The following TULP4 variants were observed in gnomAD, a reference collection of about 807,000 sequenced individuals.
The protein encoded by TULP4 is TUB like protein 4.
A neutral mutation model predicts 129.0 loss-of-function variants in TULP4; 16 were observed. That is an observed-to-expected ratio of 0.12 (90% CI 0.08 to 0.19). The LOEUF is 0.19. TULP4 is among the 10% of genes least tolerant of loss of function. TULP4 has a pLI of 1.00. For synonymous variants in TULP4, 998 were observed against 854.0 expected, an observed-to-expected ratio of 1.17 and a Z score of -2.94; for missense variants, 1,842 against 2,059.1, an observed-to-expected ratio of 0.89 and a Z score of 2.04.
intron 1 of TULP4, among the ~76,000 whole-genome samples, chr6:158,407,483 A>G (rs1020609313): frequency 6.6e-6 from 1 of 152,176 alleles, no homozygotes; most frequent in Admixed American, 6.5e-5. Context: ...TAGAATTATC[A>G]TTTGACCCAG....
At chr6:158,383,447 T>C (rs1329035898) in intron 1 of TULP4, among the ~76,000 whole-genome samples, 2 of 152,282 alleles carry the variant, frequency 1.3e-5, no homozygotes. Context: ...CACCCATTTT[T>C]TAGCTAATAC....
At chr6:158,492,493 T>C (rs944076719) in intron 9 of TULP4, among the ~76,000 whole-genome samples, 1 of 152,228 alleles carries the variant, frequency 6.6e-6, no homozygotes, top group African/African-American at 2.4e-5. Flanking sequence ...TTATGAACTT[T>C]CCTATATTTC....
intron 1 of TULP4, among the ~76,000 whole-genome samples, chr6:158,273,674 C>T (rs1364995903): frequency 6.6e-6 from 1 of 152,186 alleles, no homozygotes; most frequent in African/African-American, 2.4e-5. Flanking sequence ...TAATAGCTGA[C>T]ACTTACTGAG....
chr6:158,462,620 G>T (rs968177458), intron 6 of TULP4, among the ~76,000 whole-genome samples: 2 of 151,574 alleles, frequency 1.3e-5, no homozygotes, highest in Non-Finnish European at 2.9e-5. Flanking sequence ...TGATCTGCCC[G>T]CCTCGGCCTC....
intron 1 of TULP4, among the ~76,000 whole-genome samples, chr6:158,389,360 T>C (rs1307957496): frequency 6.6e-6 from 1 of 152,082 alleles, no homozygotes; most frequent in Non-Finnish European, 1.5e-5. Flanking sequence ...GCTGAAGTGG[T>C]AGGACTGCTT....
At chr6:158,462,283 T>C (rs682760) in intron 6 of TULP4, among the ~76,000 whole-genome samples, 63,174 of 151,634 alleles carry the variant, frequency 0.42, 14,455 homozygotes, top group African/African-American at 0.62. Context: ...CCAATGTCTT[T>C]TCTTTTTTTT....
At chr6:158,315,199 C>G (rs1212138655) in intron 1 of TULP4, among the ~76,000 whole-genome samples, 1 of 152,126 alleles carries the variant, frequency 6.6e-6, no homozygotes, top group Non-Finnish European at 1.5e-5. Context: ...AAAATATAGA[C>G]AGGGTGGCTT....
intron 1 of TULP4, among the ~76,000 whole-genome samples, chr6:158,394,224 GTTC>G (rs1370032100): frequency 6.6e-6 from 1 of 152,160 alleles, no homozygotes; most frequent in Non-Finnish European, 1.5e-5. Flanking sequence ...TTCCCAGTAA[GTTC>G]TTCATCTCCA....
intron 6 of TULP4, among the ~76,000 whole-genome samples, chr6:158,476,507 C>T (rs1433650338): frequency 2.6e-5 from 4 of 152,136 alleles, no homozygotes; most frequent in Non-Finnish European, 5.9e-5. Flanking sequence ...GTCGTCCGAG[C>T]GAATGCGCTA....
At chr6:158,335,740 A>G (rs1780016652) in intron 1 of TULP4, among the ~76,000 whole-genome samples, 1 of 152,208 alleles carries the variant, frequency 6.6e-6, no homozygotes, top group Non-Finnish European at 1.5e-5. Flanking sequence ...AGATCATTCC[A>G]TGTCAGTTCA....
At chr6:158,387,477 T>C (rs1777475742) in intron 1 of TULP4, among the ~76,000 whole-genome samples, 1 of 152,218 alleles carries the variant, frequency 6.6e-6, no homozygotes, top group Non-Finnish European at 1.5e-5. Flanking sequence ...AAACACCTTA[T>C]ACGTTTTACT....
chr6:158,411,609 A>G (rs1583847442), intron 1 of TULP4, among the ~76,000 whole-genome samples: 1 of 152,200 alleles, frequency 6.6e-6, no homozygotes, highest in African/African-American at 2.4e-5. Context: ...TTCTCTTGAA[A>G]AATTTGATTT....
At chr6:158,349,895 C>T (rs1323752270) in intron 1 of TULP4, among the ~76,000 whole-genome samples, 1 of 133,118 alleles carries the variant, frequency 7.5e-6, no homozygotes, top group African/African-American at 2.9e-5. Context: ...TCCTCACCTC[C>T]TAGGTGGGGC....
chr6:158,488,135 T>G (rs1436083528), intron 8 of TULP4, among the ~76,000 whole-genome samples: 2 of 152,044 alleles, frequency 1.3e-5, no homozygotes, highest in Non-Finnish European at 2.9e-5. Context: ...AGTGAAGGGA[T>G]AGAGGAAATG....
chr6:158,489,302 C>T (rs1485240007), intron 8 of TULP4, among the ~76,000 whole-genome samples: 1 of 152,242 alleles, frequency 6.6e-6, no homozygotes, highest in South Asian at 2.1e-4. Flanking sequence ...TGTGAGACAA[C>T]AGCACAGCCA....
chr6:158,352,704 G>A (rs1318973353), intron 1 of TULP4, among the ~76,000 whole-genome samples: 1 of 152,168 alleles, frequency 6.6e-6, no homozygotes, highest in Non-Finnish European at 1.5e-5. Flanking sequence ...CCCGATACTG[G>A]TTCTTTAACT....
Position 158,489,666 on chromosome 6 carries a change from G to C in TULP4, c.1565G>C (p.Ser522Thr). The C allele has an allele frequency of 6.2e-7, 1 of 1,614,198 alleles. No individual in the cohort carries two copies. Among genetic ancestry groups the C allele is most frequent in the East Asian group, 2.2e-5 (1 of 44,876 alleles). ...NCSDSSDIEL[S>T]DDWAAKKSPK... ...TCAGACTCCAGTGACATTGAGCTGA[G>C]TGATGACTGGGCTGCCAAGAAATCT... Residue 522 changes from serine to threonine, a missense_variant, in exon 9 of 14, where the codon AGT becomes ACT. This residue lies in a region of TULP4 where 456 missense variants were observed against 534.3 expected (regional missense o/e 0.85). Coordinates refer to ENST00000367097, the MANE Select transcript of TULP4 (RefSeq NM_020245.5).
At chr6:158,326,766 C>T (rs1404089262) in intron 1 of TULP4, among the ~76,000 whole-genome samples, 1 of 152,176 alleles carries the variant, frequency 6.6e-6, no homozygotes, top group Non-Finnish European at 1.5e-5. Context: ...AGCTCCATCA[C>T]TTAGTAATGC....
At chr6:158,363,789 G>T (rs1425535623) in intron 1 of TULP4, among the ~76,000 whole-genome samples, 1 of 149,090 alleles carries the variant, frequency 6.7e-6, no homozygotes, top group African/African-American at 2.5e-5. Flanking sequence ...AAGGCCGCGT[G>T]TTTTTTTTTT....
Sources: gnomAD v4.1 joint callset for allele counts (sites outside exome capture counted in the v4.1 genomes callset) on GRCh38, gnomAD v4.1.1 for gene constraint, gnomAD v4.1.1 regional missense constraint, MANE v1.5 for transcripts, NCBI Gene and HGNC (gene_info 2026-07-23, HGNC 2026-07-21) for gene names.